Variants in CSGALNACT1 observed in about 807,000 individuals in gnomAD.
CSGALNACT1 encodes the protein chondroitin sulfate N-acetylgalactosaminyltransferase 1.
Under a neutral mutation model 51.0 loss-of-function variants are expected in CSGALNACT1, and 52 were observed. The observed-to-expected ratio is 1.02, with a 90% CI of 0.82 to 1.29. The LOEUF (loss-of-function observed/expected upper bound fraction) is 1.29. Ranked by LOEUF, CSGALNACT1 falls within the 50% of genes most tolerant of loss-of-function variation. The pLI, the probability that CSGALNACT1 is intolerant of heterozygous loss-of-function variation, is 0.00. For missense variants in CSGALNACT1, 935 were observed against 679.2 expected (o/e 1.38, Z -4.19); for synonymous variants, 341 against 254.4 (o/e 1.34, Z -3.24).
At chr8:19,439,601 T>C (rs1373456890) in intron 6 of CSGALNACT1, among the ~76,000 whole-genome samples, 1 of 152,204 alleles carries the variant, frequency 6.6e-6, no homozygotes, top group East Asian at 1.9e-4. Flanking sequence ...GCGCAGTTTA[T>C]CTCCAATGTC....
chr8:19,427,289 T>C (rs931874841), intron 6 of CSGALNACT1, among the ~76,000 whole-genome samples: 1 of 152,252 alleles, frequency 6.6e-6, no homozygotes, highest in Non-Finnish European at 1.5e-5. Context: ...ATCAGCTGAT[T>C]AGAATTCACC....
chr8:19,460,098 A>C (rs1563517289), intron 4 of CSGALNACT1, among the ~76,000 whole-genome samples: 2 of 152,084 alleles, frequency 1.3e-5, no homozygotes, highest in African/African-American at 4.8e-5. Context: ...ACAGTCAGGA[A>C]ACACACACAC....
chr8:19,675,116 C>A (rs2060082143), intron 1 of CSGALNACT1, among the ~76,000 whole-genome samples: 1 of 152,102 alleles, frequency 6.6e-6, no homozygotes, highest in Non-Finnish European at 1.5e-5. Context: ...CTGAGAGTTG[C>A]CAATAGGGTA....
In CSGALNACT1 at chr8:19,535,136, T is replaced by G. The variant is rs2083487818; in HGVS notation, c.-296-29006A>C. Reference sequence around the variant, plus strand: ...TAGGTTCCTAACACATTTAAACATTTTAAACCTATTTCCAAATTATCATCC... The same window carrying G: ...TAGGTTCCTAACACATTTAAACATTGTAAACCTATTTCCAAATTATCATCC... On this transcript the variant is annotated intron_variant, in intron 3 of 9. Coordinates refer to ENST00000454498, the Ensembl canonical transcript of CSGALNACT1. Among the ~76,000 whole-genome samples, 4 of 152,186 alleles carry G rather than the reference T, an allele frequency of 2.6e-5. 1 individual carries two copies. In the South Asian group the frequency reaches 8.3e-4, roughly 32 times the overall value.
intron 3 of CSGALNACT1, among the ~76,000 whole-genome samples, chr8:19,548,399 A>G (rs2087006851): frequency 6.6e-6 from 1 of 152,134 alleles, no homozygotes; most frequent in African/African-American, 2.4e-5. Flanking sequence ...ATATGAGACT[A>G]AAAAATAGAT....
chr8:19,584,418 T>A (rs1194613124), intron 3 of CSGALNACT1, among the ~76,000 whole-genome samples: 1 of 152,248 alleles, frequency 6.6e-6, no homozygotes, highest in African/African-American at 2.4e-5. Context: ...ACAGTAAGAC[T>A]TAGCTTGGAA....
chr8:19,625,256 A>T (rs1001673236), intron 1 of CSGALNACT1, among the ~76,000 whole-genome samples: 1 of 152,228 alleles, frequency 6.6e-6, no homozygotes, highest in Non-Finnish European at 1.5e-5. Flanking sequence ...ACTGCAGTCT[A>T]TTAAGGAGGA....
chr8:19,571,266 T>G (rs2042961495), intron 3 of CSGALNACT1, among the ~76,000 whole-genome samples: 1 of 152,044 alleles, frequency 6.6e-6, no homozygotes, highest in Non-Finnish European at 1.5e-5. Flanking sequence ...TTTTTGAAAC[T>G]CCGTATCCGA....
At position 19,505,857 on chromosome 8, in the gene CSGALNACT1, G is replaced by T; in HGVS notation, c.-23C>A. 1 of 1,605,488 alleles carries T rather than the reference G, an allele frequency of 6.2e-7. No individual in the cohort carries two copies. Among genetic ancestry groups the T allele is most frequent in the Non-Finnish European group, 8.5e-7 (1 of 1,179,980 alleles). On this transcript the variant is annotated 5_prime_UTR_variant, in exon 4 of 10. In the 5' UTR this introduces an upstream ATG that the reference lacks. Transcript: ENST00000454498. Reference sequence around the variant, plus strand: ...CATTCAGGAATCAGCCATGCGTCCAGAACCGGTGGCATCCCTCAAAGCCGG... The same window carrying T: ...CATTCAGGAATCAGCCATGCGTCCATAACCGGTGGCATCCCTCAAAGCCGG...
chr8:19,426,747 A>C (rs931075862), intron 6 of CSGALNACT1, among the ~76,000 whole-genome samples: 1 of 152,202 alleles, frequency 6.6e-6, no homozygotes, highest in African/African-American at 2.4e-5. Context: ...ATGACCTGAC[A>C]AAGCTACTGT....
At chr8:19,695,924 C>T (rs1453168505) in intron 1 of CSGALNACT1, among the ~76,000 whole-genome samples, 1 of 152,120 alleles carries the variant, frequency 6.6e-6, no homozygotes, top group Non-Finnish European at 1.5e-5. Context: ...GCCATTAGCG[C>T]TCATGAAAAA....
upstream of CSGALNACT1, among the ~76,000 whole-genome samples, chr8:19,603,162 C>T (rs1354101705): frequency 6.6e-6 from 1 of 150,828 alleles, no homozygotes; most frequent in Non-Finnish European, 1.5e-5. Flanking sequence ...GAAAAACAGG[C>T]CCAGAAAGCG....
chr8:19,569,134 G>A (rs1037644575), intron 3 of CSGALNACT1, among the ~76,000 whole-genome samples: 2 of 152,214 alleles, frequency 1.3e-5, no homozygotes, highest in African/African-American at 4.8e-5. Context: ...GGAGTACACA[G>A]TGCTACCATT....
chr8:19,443,989 C>T (rs571275614), intron 5 of CSGALNACT1, among the ~76,000 whole-genome samples: 79 of 152,284 alleles, frequency 5.2e-4, no homozygotes, highest in Admixed American at 7.8e-4. Flanking sequence ...CTTACATCTG[C>T]GGTTCACAAT....
chr8:19,546,865 C>A lies in CSGALNACT1; in HGVS notation c.-296-40735G>T, dbSNP rs140723903. Among the ~76,000 whole-genome samples, 18 of 152,318 alleles carry A rather than the reference C, an allele frequency of 1.2e-4. 1 individual carries two copies. In the South Asian group the frequency reaches 2.1e-3, roughly 18 times the overall value. On this transcript the variant is annotated intron_variant, in intron 3 of 9. Transcript: ENST00000454498. ...GCCACCACAACTGAGGTCCCCGGATCAGTGTCACATAAGGTTCAGGGTGCA... is the reference window on the plus strand; with the variant it reads ...GCCACCACAACTGAGGTCCCCGGATAAGTGTCACATAAGGTTCAGGGTGCA...
chr8:19,419,958 G>A (rs1368186010), intron 7 of CSGALNACT1, among the ~76,000 whole-genome samples: 1 of 152,210 alleles, frequency 6.6e-6, no homozygotes, highest in Non-Finnish European at 1.5e-5. Context: ...TTCCCATGCT[G>A]TACTCATGAT....
rs77239548 is a variant in CSGALNACT1, at chr8:19,528,935, C to T, written c.-296-22805G>A. Among the ~76,000 whole-genome samples, 654 of 152,302 alleles carry T rather than the reference C, an allele frequency of 4.3e-3. 4 individuals carry two copies. Among genetic ancestry groups the T allele is most frequent in the African/African-American group, 0.014 (591 of 41,560 alleles). On this transcript the variant is annotated intron_variant, in intron 3 of 9. Transcript: ENST00000454498. ...TGGGATGTGACTGGGGAAGGGCACA[C>T]AGCCTTCAGAAGGTCTATGAGTAAT... is the stretch of plus-strand genomic sequence containing the variant.
intron 5 of CSGALNACT1, among the ~76,000 whole-genome samples, chr8:19,445,528 G>T (rs559227097): frequency 6.6e-6 from 1 of 152,156 alleles, no homozygotes; most frequent in African/African-American, 2.4e-5. Context: ...TACCTCCAAG[G>T]TTCCGTTGCA....
At chr8:19,613,566 C>T (rs1352084213) in intron 1 of CSGALNACT1, among the ~76,000 whole-genome samples, 6 of 152,234 alleles carry the variant, frequency 3.9e-5, no homozygotes, top group Non-Finnish European at 8.8e-5. Context: ...CATCTTTCAG[C>T]TCGTTGTTTC....
Sources: allele counts gnomAD v4.1 joint callset (sites outside exome capture counted in the v4.1 genomes callset), GRCh38; gene constraint gnomAD v4.1.1; transcripts MANE v1.5; gene names NCBI Gene and HGNC (gene_info 2026-07-23, HGNC 2026-07-21).